The following SLC27A5 variants were observed in gnomAD, a reference collection of about 807,000 sequenced individuals.
SLC27A5 encodes the protein long-chain fatty acid transport protein 5.
SLC27A5 carries 47 observed loss-of-function variants against 63.1 expected under a neutral mutation model. The ratio of observed to expected loss-of-function variants is 0.74; its 90% confidence interval spans 0.59 to 0.95. The LOEUF is 0.95. SLC27A5 is among the 40% of genes least tolerant of loss of function. The pLI, the probability that SLC27A5 is intolerant of heterozygous loss-of-function variation, is 0.00. For missense variants in SLC27A5, 940 were observed against 921.0 expected, an observed-to-expected ratio of 1.02 and a Z score of -0.27; for synonymous variants, 391 against 403.8, an observed-to-expected ratio of 0.97 and a Z score of 0.38.
chr19:58,510,584 A>C (rs1446404161), intron 2 of SLC27A5, 137 bp downstream of exon 2: 6 of 816,460 alleles, frequency 7.3e-6, no homozygotes, highest in Non-Finnish European at 9.3e-6. Context: ...GAAAAAAAAA[A>C]CAGCCAAACA....
intron 3 of SLC27A5, among the ~76,000 whole-genome samples, chr19:58,504,771 C>G (rs2053325699): frequency 1.3e-5 from 2 of 151,506 alleles, no homozygotes; most frequent in Non-Finnish European, 2.9e-5. Flanking sequence ...TTTGGGAGGC[C>G]GAGGCGGGCG....
At position 58,500,662 on chromosome 19, in the gene SLC27A5, A is replaced by G. The variant is rs772616903; in HGVS notation, c.1227T>C (p.Asn409=). 1.2e-6 allele frequency: 2 copies of G among 1,614,104 alleles called. No individual in the cohort carries two copies. Among genetic ancestry groups the G allele is most frequent in the Non-Finnish European group, 1.7e-6 (2 of 1,180,022 alleles). Residue 409 remains asparagine, a synonymous_variant, in exon 5 of 10, where the codon AAT becomes AAC. Coordinates refer to ENST00000263093, the MANE Select transcript of SLC27A5 (RefSeq NM_012254.3). ...TCTCCCACACATCAGCCCGTAGTCC[A>G]TTGCCCATTGCCAGGCGGACTGTAT... ...RTHTVRLAMG[N]GLRADVWETF... is the part of the protein sequence containing the mutation.
At chr19:58,504,766 G>C (rs1373404274) in intron 3 of SLC27A5, among the ~76,000 whole-genome samples, 1 of 151,998 alleles carries the variant, frequency 6.6e-6, no homozygotes, top group Non-Finnish European at 1.5e-5. Context: ...AGCACTTTGG[G>C]AGGCCGAGGC....
chr19:58,511,119 AACT>A (rs1230000702), intron 1 of SLC27A5, 146 bp downstream of exon 1: 6 of 979,698 alleles, frequency 6.1e-6, no homozygotes, highest in Non-Finnish European at 7.3e-6. Context: ...ATGACCTGAG[AACT>A]ACTTTCTGCT....
intron 2 of SLC27A5, chr19:58,510,443 G>A (rs999260505): frequency 4.4e-5 from 18 of 406,848 alleles, no homozygotes; most frequent in African/African-American, 3.3e-4. Context: ...GCATAGTGGT[G>A]TGTGCCTGTA....
At position 58,498,801 on chromosome 19, in the gene SLC27A5, T is replaced by C; in HGVS notation, c.1880A>G (p.His627Arg). 6.2e-7 allele frequency: 1 copy of C among 1,613,828 alleles called. No individual in the cohort carries two copies. The highest frequency in any genetic ancestry group is 8.5e-7 in the Non-Finnish European group (1 of 1,179,918). Residue 627 changes from histidine to arginine, a missense_variant, in exon 9 of 10, where the codon CAT (histidine) becomes CGT (arginine). Physicochemically the swap from His to Arg is conservative, Grantham distance 29 (BLOSUM62 0). Transcript: ENST00000263093. ...RAWLPAYATP[H>R]FIRIQDAMEV... is the part of the protein sequence containing the mutation. The stretch of plus-strand genomic sequence containing the variant: ...TGGGCTCACCTGGATGCGGATGAAA[T>C]GGGGGGTAGCGTAGGCAGGGAGCCA...
At chr19:58,503,251 G>GGATA (rs2122503222) in intron 3 of SLC27A5, among the ~76,000 whole-genome samples, 1 of 151,762 alleles carries the variant, frequency 6.6e-6, no homozygotes, top group Non-Finnish European at 1.5e-5. Context: ...GTGTAAGGAT[G>GGATA]GATAGATGGG....
rs370377916 is a variant in SLC27A5 at position 58,498,877 on chromosome 19, C to T, written c.1804G>A (p.Ala602Thr). The change falls in exon 9 of 10, where the codon GCC becomes ACC. Residue 602 changes from alanine (A) to threonine (T), a missense_variant. Physicochemically the swap from Ala to Thr is moderately conservative, Grantham distance 58. Coordinates refer to ENST00000263093, the MANE Select transcript of SLC27A5 (RefSeq NM_012254.3). ...GKVGMAAVQLAPGQTFDGEKL... is the reference protein window; with the variant it reads ...GKVGMAAVQLTPGQTFDGEKL... ...TCCCCGTCGAAAGTCTGGCCGGGGGCTAGCTGCACAGCAGCCATGCCCACC... is the reference window on the plus strand; with the variant it reads ...TCCCCGTCGAAAGTCTGGCCGGGGGTTAGCTGCACAGCAGCCATGCCCACC... 6.2e-7 allele frequency: 1 copy of T among 1,613,686 alleles called. No homozygotes were observed. The highest frequency in any genetic ancestry group is 2.2e-5 in the East Asian group (1 of 44,882).
chr19:58,511,066 A>G (rs2053405257), intron 1 of SLC27A5, 136 bp from the exon 2 acceptor site: 1 of 919,888 alleles, frequency 1.1e-6, no homozygotes, highest in Admixed American at 3.0e-5. Context: ...AAAGAATCCC[A>G]TCATTAGTAT....
At chr19:58,504,914 G>A (rs1264340345) in intron 3 of SLC27A5, among the ~76,000 whole-genome samples, 4 of 150,804 alleles carry the variant, frequency 2.7e-5, no homozygotes, top group Non-Finnish European at 5.9e-5. Context: ...ACTTAGGCAG[G>A]AGAATGGCAT....
At chr19:58,505,818 A>G (rs2053339025) in intron 3 of SLC27A5, among the ~76,000 whole-genome samples, 1 of 142,730 alleles carries the variant, frequency 7.0e-6, no homozygotes, top group African/African-American at 2.6e-5. Flanking sequence ...ATTGCATTCC[A>G]TCCTGGGCAA....
intron 1 of SLC27A5, 43 bp downstream of exon 1, chr19:58,511,225 G>T: frequency 6.7e-7 from 1 of 1,501,328 alleles, no homozygotes; most frequent in East Asian, 2.3e-5. Flanking sequence ...TATAGTCCCT[G>T]CCCTTGCCCC....
At position 58,511,422 on chromosome 19, in the gene SLC27A5, A is replaced by T. The variant is rs1367965114; in HGVS notation, c.534T>A (p.Leu178=). ...SLCAGEPTAL[L]VLASQAVPAL... The stretch of plus-strand genomic sequence containing the variant: ...CTGGAACGGCCTGGGAAGCCAGCAC[A>T]AGGAGGGCAGTAGGCTCCCCGGCAC... The change falls in exon 1 of 10, where the codon CTT becomes CTA. Residue 178 remains leucine (L), a synonymous_variant. Transcript: ENST00000263093. 1.2e-6 allele frequency: 2 copies of T among 1,606,602 alleles called. No homozygotes were observed. Among genetic ancestry groups the T allele is most frequent in the Non-Finnish European group, 1.7e-6 (2 of 1,176,776 alleles).
rs1243715406 is a variant in SLC27A5 at position 58,509,919 on chromosome 19, C to G, written c.985G>C (p.Val329Leu). ...TACAGAGGCAGGACCGTGTAAACCA[C>G]ATCATCAGCTGTGGCCCCAGATAAG... ...LSLSGATADD[V>L]VYTVLPLYHV... The change falls in exon 3 of 10, where the codon GTG becomes CTG. Residue 329 changes from valine to leucine, a missense_variant. By Grantham distance (32) the Val-to-Leu change is conservative. Transcript: ENST00000263093. 1 of 1,614,156 alleles carries G rather than the reference C, an allele frequency of 6.2e-7. No homozygotes were observed. Among genetic ancestry groups the G allele is most frequent in the Non-Finnish European group, 8.5e-7 (1 of 1,180,028 alleles).
rs577030581 is a variant in SLC27A5, at chr19:58,509,522, C to G, written c.1057+325G>C. On this transcript the variant is annotated intron_variant, in intron 3 of 9. Coordinates refer to ENST00000263093, the MANE Select transcript of SLC27A5 (RefSeq NM_012254.3). The stretch of plus-strand genomic sequence containing the variant: ...GCCCTGTGGAGTGCTTGAGAGCACT[C>G]CTACTCCAGCTGCCCTTGGGGCCAT... 3.1e-5 allele frequency: 8 copies of G among 257,740 alleles called. No homozygotes were observed. In the Admixed American group the frequency reaches 4.1e-4, roughly 13 times the overall value. The allele number at this position is 257,740 out of a possible 1,614,324, so 16.0% of individuals were successfully genotyped here. A position where few individuals can be genotyped will look rare whatever the true frequency, so the allele number is the denominator to read the frequency against.
chr19:58,507,542 T>C (rs1162760650), intron 3 of SLC27A5: 1 of 152,096 alleles, frequency 6.6e-6, no homozygotes, highest in Admixed American at 6.6e-5. Flanking sequence ...CAATGTGAAA[T>C]CAGCGCACAT....
rs561208088 is a variant in SLC27A5, at chr19:58,500,610, G to A, written c.1279C>T (p.Arg427Trp). Residue 427 changes from arginine (R) to tryptophan (W), a missense_variant, in exon 5 of 10, where the codon CGG becomes TGG. Transcript: ENST00000263093. ...GTGGAGCCGTAGACTTCCCAGATCC[G>A]AATAGGACCGAAGCGCTGCTGGAAG... is the stretch of plus-strand genomic sequence containing the variant. The part of the protein sequence containing the change: ...ETFQQRFGPI[R>W]IWEVYGSTEG... The A allele has an allele frequency of 1.1e-5, 18 of 1,614,106 alleles. No individual in the cohort carries two copies. Among genetic ancestry groups the A allele is most frequent in the Admixed American group, 3.3e-5 (2 of 60,010 alleles).
intron 3 of SLC27A5, 138 bp from the exon 4 acceptor site, chr19:58,501,548 A>G: frequency 2.2e-6 from 2 of 910,948 alleles, no homozygotes; most frequent in East Asian, 5.5e-5. Context: ...TCCTTGGCCC[A>G]GCCAGGACTG....
At chr19:58,501,500 A>T in intron 3 of SLC27A5, 90 bp from the exon 4 acceptor site, 1 of 1,393,164 alleles carries the variant, frequency 7.2e-7, no homozygotes, top group Non-Finnish European at 9.9e-7. Flanking sequence ...CCACCCCCAC[A>T]CCCTGAAATA....
Sources: allele counts gnomAD v4.1 joint callset (sites outside exome capture counted in the v4.1 genomes callset), GRCh38; gene constraint gnomAD v4.1.1; transcripts MANE v1.5; gene names NCBI Gene and HGNC (gene_info 2026-07-23, HGNC 2026-07-21).